LRRTM4: variants seen among roughly 807,000 people sequenced by gnomAD.
LRRTM4 encodes leucine-rich repeat transmembrane neuronal protein 4.
In LRRTM4, 25 loss-of-function variants were observed where a neutral mutation model predicts 47.6. The observed-to-expected ratio is 0.53, with a 90% CI of 0.38 to 0.73. The LOEUF (loss-of-function observed/expected upper bound fraction) is 0.73. LRRTM4 is among the 30% of genes least tolerant of loss of function. The probability of loss-of-function intolerance (pLI) is 0.00; values close to 1 mark genes in which losing one functional copy is unlikely to be tolerated. For synonymous variants in LRRTM4, 311 were observed against 269.5 expected (o/e 1.15, Z -1.51); for missense variants, 638 against 713.4 (o/e 0.89, Z 1.20).
At chr2:77,075,653 C>A (rs934795681) in intron 3 of LRRTM4, among the ~76,000 whole-genome samples, 3 of 151,876 alleles carry the variant, frequency 2.0e-5, no homozygotes, top group African/African-American at 4.8e-5. Flanking sequence ...CGGTGGCTCA[C>A]GCCTGTAATC....
intron 3 of LRRTM4, among the ~76,000 whole-genome samples, chr2:77,283,820 A>G (rs1163282975): frequency 3.3e-5 from 5 of 152,050 alleles, no homozygotes; most frequent in Non-Finnish European, 4.4e-5. Context: ...GGGGATTACT[A>G]GAAGGGGAGG....
intron 3 of LRRTM4, among the ~76,000 whole-genome samples, chr2:76,794,316 AAGGAAG>A: frequency 6.6e-6 from 1 of 152,324 alleles, no homozygotes; most frequent in African/African-American, 2.4e-5. Flanking sequence ...ATTAGTATGA[AAGGAAG>A]TTATGTGTCA....
intron 3 of LRRTM4, among the ~76,000 whole-genome samples, chr2:76,966,231 T>G (rs866732901): frequency 2.7e-5 from 4 of 149,376 alleles, no homozygotes; most frequent in African/African-American, 9.8e-5. Flanking sequence ...AGAAAAGAAA[T>G]GGAGGGGAGG....
At chr2:77,398,437 T>G (rs1404070877) in intron 3 of LRRTM4, among the ~76,000 whole-genome samples, 1 of 151,832 alleles carries the variant, frequency 6.6e-6, no homozygotes, top group Non-Finnish European at 1.5e-5. Context: ...ATCAAACACA[T>G]ACTTTTTTTT....
chr2:77,042,989 C>T (rs73940245), intron 3 of LRRTM4, among the ~76,000 whole-genome samples: 1,875 of 151,726 alleles, frequency 0.012, 36 homozygotes, highest in African/African-American at 0.036. Context: ...GTTTCTTAGG[C>T]TCTGTCTCTG....
At chr2:76,807,876 C>G (rs747556656) in intron 3 of LRRTM4, among the ~76,000 whole-genome samples, 1 of 150,546 alleles carries the variant, frequency 6.6e-6, no homozygotes, top group Admixed American at 6.6e-5. Context: ...CCACCGCACC[C>G]GGCCTATTTT....
chr2:76,781,799 A>G (rs184708288), intron 3 of LRRTM4, among the ~76,000 whole-genome samples: 2 of 151,496 alleles, frequency 1.3e-5, no homozygotes, highest in African/African-American at 4.9e-5. Flanking sequence ...TGGCATTTCT[A>G]TTTTTTTTCC....
At chr2:77,307,141 C>A (rs1474007255) in intron 3 of LRRTM4, among the ~76,000 whole-genome samples, 1 of 151,828 alleles carries the variant, frequency 6.6e-6, no homozygotes, top group Non-Finnish European at 1.5e-5. Context: ...ACCTCGTGAT[C>A]CGCCCGCCTC....
chr2:77,454,278 A>T (rs969567025), intron 3 of LRRTM4, among the ~76,000 whole-genome samples: 1 of 152,232 alleles, frequency 6.6e-6, no homozygotes, highest in Admixed American at 6.5e-5. Flanking sequence ...TTCCTAAAAG[A>T]GGAACAAGAA....
At chr2:76,831,564 A>G (rs944116404) in intron 3 of LRRTM4, among the ~76,000 whole-genome samples, 3 of 152,128 alleles carry the variant, frequency 2.0e-5, no homozygotes, top group African/African-American at 7.2e-5. Flanking sequence ...CAGCCTATAA[A>G]AAGATGTATC....
At chr2:77,303,176 C>A (rs989280076) in intron 3 of LRRTM4, among the ~76,000 whole-genome samples, 13 of 151,950 alleles carry the variant, frequency 8.6e-5, no homozygotes, top group Admixed American at 7.2e-4. Flanking sequence ...CTGCTTAAAA[C>A]CCGGTGTCTC....
At chr2:77,125,234 G>A (rs1040921807) in intron 3 of LRRTM4, among the ~76,000 whole-genome samples, 2 of 152,126 alleles carry the variant, frequency 1.3e-5, no homozygotes, top group African/African-American at 2.4e-5. Flanking sequence ...CCATATTTAG[G>A]ACGTCATCTG....
chr2:77,241,205 TACACACACACACAC>T (rs10555648), intron 3 of LRRTM4, among the ~76,000 whole-genome samples: 17 of 119,812 alleles, frequency 1.4e-4, no homozygotes, highest in Admixed American at 4.7e-4. Context: ...GAATTGGAAA[TACACACACACACAC>T]ACACACACAC....
chr2:76,901,978 T>A (rs1673652586), intron 3 of LRRTM4, among the ~76,000 whole-genome samples: 1 of 152,214 alleles, frequency 6.6e-6, no homozygotes, highest in Non-Finnish European at 1.5e-5. Flanking sequence ...GAAATTAACA[T>A]ATGTGCCTCT....
At chr2:77,056,540 G>A (rs1347163996) in intron 3 of LRRTM4, among the ~76,000 whole-genome samples, 1 of 151,988 alleles carries the variant, frequency 6.6e-6, no homozygotes, top group Non-Finnish European at 1.5e-5. Flanking sequence ...AAAGGATAAA[G>A]AGATGAAAGT....
At chr2:76,974,428 A>C (rs1042336326) in intron 3 of LRRTM4, among the ~76,000 whole-genome samples, 1 of 150,866 alleles carries the variant, frequency 6.6e-6, no homozygotes, top group Admixed American at 6.6e-5. Context: ...TGCACTGATT[A>C]TATTATTATT....
At chr2:77,500,717 C>A (rs1029068217) in intron 3 of LRRTM4, among the ~76,000 whole-genome samples, 1 of 151,394 alleles carries the variant, frequency 6.6e-6, no homozygotes, top group African/African-American at 2.4e-5. Context: ...TAAAAAATAA[C>A]GCAATTCCAA....
intron 3 of LRRTM4, among the ~76,000 whole-genome samples, chr2:76,902,750 T>A (rs1287996254): frequency 6.6e-6 from 1 of 152,208 alleles, no homozygotes; most frequent in African/African-American, 2.4e-5. Flanking sequence ...TATTTTTCAC[T>A]GAGCACTTGT....
At chr2:77,182,736 C>T (rs1035366869) in intron 3 of LRRTM4, among the ~76,000 whole-genome samples, 5 of 152,072 alleles carry the variant, frequency 3.3e-5, no homozygotes, top group African/African-American at 1.2e-4. Context: ...GAGAGGGCAT[C>T]CCTGCCTTGC....
Sources: gnomAD v4.1 joint callset for allele counts (sites outside exome capture counted in the v4.1 genomes callset) on GRCh38, gnomAD v4.1.1 for gene constraint, MANE v1.5 for transcripts, NCBI Gene and HGNC (gene_info 2026-07-23, HGNC 2026-07-21) for gene names.